ZNF609: variants seen among roughly 807,000 people sequenced by gnomAD.
The protein encoded by ZNF609 is zinc finger protein 609.
A neutral mutation model predicts 109.5 loss-of-function variants in ZNF609; 11 were observed. The observed-to-expected ratio is 0.10, with a 90% confidence interval of 0.06 to 0.17. ZNF609 has a LOEUF of 0.17. ZNF609 is among the 10% of genes least tolerant of loss of function. ZNF609 has a pLI of 1.00. For synonymous variants in ZNF609, 646 were observed against 662.0 expected (o/e 0.98, Z 0.37); for missense variants, 1,559 against 1,772.4 (o/e 0.88, Z 2.16).
chr15:64,682,569 G>C lies in ZNF609; in HGVS notation c.*883G>C, dbSNP rs2083216864. 6.5e-6 allele frequency: 1 copy of C among 152,994 alleles called. No homozygotes were observed. Among genetic ancestry groups the C allele is most frequent in the African/African-American group, 2.4e-5 (1 of 41,588 alleles). The allele number at this position is 152,994 out of a possible 1,614,324, so 9.5% of individuals were successfully genotyped here. A position where few individuals can be genotyped will look rare whatever the true frequency, so the allele number is the denominator to read the frequency against. ...CCTAACCCCTTGGTGCCTTTCCCAG[G>C]GGGATCCCCACACTGGTCTTGCCTC... On this transcript the variant is annotated 3_prime_UTR_variant, in exon 10 of 10. Transcript: ENST00000326648.
At chr15:64,578,020 A>G (rs1895030809) in intron 2 of ZNF609, among the ~76,000 whole-genome samples, 1 of 151,822 alleles carries the variant, frequency 6.6e-6, no homozygotes, top group Non-Finnish European at 1.5e-5. Context: ...AAAATAAAAT[A>G]TAGATAATTA....
At chr15:64,645,777 A>G (rs1389504263) in intron 3 of ZNF609, among the ~76,000 whole-genome samples, 3 of 152,232 alleles carry the variant, frequency 2.0e-5, no homozygotes, top group Admixed American at 2.0e-4. Context: ...ATCACATGAA[A>G]AGATGCTCAG....
intron 1 of ZNF609, chr15:64,470,476 A>C (rs1425331881): frequency 6.6e-6 from 1 of 152,190 alleles, no homozygotes; most frequent in Non-Finnish European, 1.5e-5. Context: ...TAAGTGTTTC[A>C]GGAACTTTCA....
At chr15:64,556,332 A>G (rs1057410604) in intron 2 of ZNF609, among the ~76,000 whole-genome samples, 13 of 151,424 alleles carry the variant, frequency 8.6e-5, no homozygotes, top group African/African-American at 3.2e-4. Flanking sequence ...GGAGCCTGGC[A>G]ATGTTGCCCA....
chr15:64,645,028 CCTTTCTTCCTTCCTTT>C (rs1235270660), intron 3 of ZNF609, among the ~76,000 whole-genome samples: 10 of 139,808 alleles, frequency 7.2e-5, no homozygotes, highest in African/African-American at 2.2e-4. Context: ...TTCCTTCCTT[CCTTTCTTCCTTCCTTT>C]CTTTCTTCCT....
intron 2 of ZNF609, among the ~76,000 whole-genome samples, chr15:64,613,020 CAGAAA>C (rs1259704938): frequency 1.3e-5 from 2 of 151,580 alleles, no homozygotes; most frequent in African/African-American, 2.4e-5. Context: ...GTCTAAAACA[CAGAAA>C]AGAAAAGGAC....
chr15:64,657,459 C>G (rs961674909), intron 3 of ZNF609, among the ~76,000 whole-genome samples: 2 of 145,698 alleles, frequency 1.4e-5, no homozygotes, highest in East Asian at 2.1e-4. Flanking sequence ...ACTGAAAATA[C>G]AAAAATTAGC....
rs1283319667 is a variant in ZNF609, at chr15:64,674,943, A to C, written c.2089A>C (p.Asn697His). 6.2e-7 allele frequency: 1 copy of C among 1,613,974 alleles called. No homozygotes were observed. Among genetic ancestry groups the C allele is most frequent in the Non-Finnish European group, 8.5e-7 (1 of 1,180,028 alleles). The change falls in exon 5 of 10, where the codon AAC becomes CAC. Residue 697 changes from asparagine to histidine, a missense_variant. Asn to His is a moderately conservative substitution (Grantham distance 68). Transcript: ENST00000326648. ...LTATVAQAMP[N>H]SPQLKPIQPK... ...CGCCACAGTGGCACAAGCCATGCCCAACAGTCCCCAACTCAAGCCCATTCA... is the reference window on the plus strand; with the variant it reads ...CGCCACAGTGGCACAAGCCATGCCCCACAGTCCCCAACTCAAGCCCATTCA...
intron 2 of ZNF609, among the ~76,000 whole-genome samples, chr15:64,602,156 G>A (rs1467831135): frequency 6.6e-6 from 1 of 151,936 alleles, no homozygotes; most frequent in Non-Finnish European, 1.5e-5. Flanking sequence ...TTAGCTTTTG[G>A]GCCCTACTTT....
chr15:64,578,651 C>G (rs1895042619), intron 2 of ZNF609, among the ~76,000 whole-genome samples: 1 of 152,148 alleles, frequency 6.6e-6, no homozygotes, highest in Admixed American at 6.6e-5. Context: ...GAGATCGTGC[C>G]ATTGCACTCT....
At chr15:64,578,852 T>C (rs1895046014) in intron 2 of ZNF609, among the ~76,000 whole-genome samples, 1 of 151,980 alleles carries the variant, frequency 6.6e-6, no homozygotes, top group Admixed American at 6.6e-5. Flanking sequence ...GTACAAAAAC[T>C]ATATGGGTAT....
intron 2 of ZNF609, among the ~76,000 whole-genome samples, chr15:64,542,121 T>A (rs978348496): frequency 2.0e-5 from 3 of 150,898 alleles, no homozygotes; most frequent in Admixed American, 6.6e-5. Flanking sequence ...CCCATCTCTC[T>A]CACACACACA....
At chr15:64,486,504 A>C (rs919717449) in intron 1 of ZNF609, among the ~76,000 whole-genome samples, 41 of 146,382 alleles carry the variant, frequency 2.8e-4, no homozygotes, top group African/African-American at 8.5e-4. Flanking sequence ...AGCCCAGGTG[A>C]CAGAGTGAGA....
At chr15:64,632,937 T>C (rs927860736) in intron 3 of ZNF609, among the ~76,000 whole-genome samples, 5 of 151,676 alleles carry the variant, frequency 3.3e-5, no homozygotes, top group Non-Finnish European at 7.4e-5. Context: ...CATGCCCAAC[T>C]AATTTTTTTT....
At chr15:64,576,069 T>C (rs1392790183) in intron 2 of ZNF609, among the ~76,000 whole-genome samples, 2 of 152,126 alleles carry the variant, frequency 1.3e-5, no homozygotes, top group Admixed American at 1.3e-4. Flanking sequence ...GCCGCTGCAC[T>C]CCAGCCTGGG....
At chr15:64,655,794 A>T (rs572214060) in intron 3 of ZNF609, among the ~76,000 whole-genome samples, 1 of 152,292 alleles carries the variant, frequency 6.6e-6, no homozygotes, top group African/African-American at 2.4e-5. Context: ...ACGCCGTTGC[A>T]CTCCAGCCTG....
At chr15:64,515,164 G>A (rs1893788116) in intron 2 of ZNF609, among the ~76,000 whole-genome samples, 1 of 152,162 alleles carries the variant, frequency 6.6e-6, no homozygotes, top group African/African-American at 2.4e-5. Context: ...GTACAGCATT[G>A]TATGTATCTT....
chr15:64,536,171 C>G (rs552743207), intron 2 of ZNF609, among the ~76,000 whole-genome samples: 1 of 152,138 alleles, frequency 6.6e-6, no homozygotes, highest in Non-Finnish European at 1.5e-5. Flanking sequence ...CAGGCACATG[C>G]CACTACACCT....
intron 2 of ZNF609, among the ~76,000 whole-genome samples, chr15:64,593,480 T>C (rs1295167479): frequency 6.6e-6 from 1 of 152,252 alleles, no homozygotes; most frequent in Non-Finnish European, 1.5e-5. Context: ...TAACCTTTCA[T>C]AGTCTGAAAA....
Sources: gnomAD v4.1 joint callset for allele counts (sites outside exome capture counted in the v4.1 genomes callset) on GRCh38, gnomAD v4.1.1 for gene constraint, MANE v1.5 for transcripts, NCBI Gene and HGNC (gene_info 2026-07-23, HGNC 2026-07-21) for gene names.